HCN1: variants seen among roughly 807,000 people sequenced by gnomAD.
HCN1 encodes the protein potassium/sodium hyperpolarization-activated cyclic nucleotide-gated channel 1.
Under a neutral mutation model 78.9 loss-of-function variants are expected in HCN1, and 13 were observed. The ratio of observed to expected loss-of-function variants is 0.16; its 90% CI spans 0.11 to 0.26. HCN1 has a LOEUF of 0.26. Ranked by LOEUF, HCN1 falls within the 10% of genes least tolerant of loss-of-function variation. HCN1 has a pLI of 1.00. For missense variants in HCN1, 810 were observed against 1,154.3 expected (o/e 0.70, Z 4.32); for synonymous variants, 552 against 455.5 (o/e 1.21, Z -2.70).
In HCN1 at chr5:45,303,805, G is replaced by T; in HGVS notation, c.1412C>A (p.Ala471Asp). The T allele has an allele frequency of 6.2e-7, 1 of 1,613,390 alleles. No individual in the cohort carries two copies. The highest frequency in any genetic ancestry group is 1.1e-5 in the South Asian group (1 of 91,068). ...CGCATTAGCAAATAAAGGCATTGTA[G>T]CCACCAGTTTCCGACAGTTGAAGTT... ...IVNFNCRKLVATMPLFANADP... is the reference protein window; with the variant it reads ...IVNFNCRKLVDTMPLFANADP... Residue 471 changes from alanine to aspartate, a missense_variant, in exon 6 of 8, where the codon GCT becomes GAT. Coordinates refer to ENST00000303230, the MANE Select transcript of HCN1 (RefSeq NM_021072.4).
At chr5:45,562,820 T>G (rs1743632694) in intron 2 of HCN1, among the ~76,000 whole-genome samples, 1 of 152,222 alleles carries the variant, frequency 6.6e-6, no homozygotes, top group East Asian at 1.9e-4. Flanking sequence ...TCATGTAAAT[T>G]GAATGGTTTC....
At chr5:45,660,687 A>C (rs1268696188) in intron 1 of HCN1, among the ~76,000 whole-genome samples, 2 of 142,570 alleles carry the variant, frequency 1.4e-5, no homozygotes, top group Non-Finnish European at 3.1e-5. Context: ...TAAACCAACA[A>C]AGATCAAAAG....
chr5:45,305,876 A>G (rs958010292), intron 5 of HCN1, among the ~76,000 whole-genome samples: 1 of 151,220 alleles, frequency 6.6e-6, no homozygotes, highest in Non-Finnish European at 1.5e-5. Context: ...GGAGGGAGGA[A>G]GGAAGGAAGG....
At chr5:45,527,109 C>G (rs1742753027) in intron 2 of HCN1, among the ~76,000 whole-genome samples, 1 of 136,070 alleles carries the variant, frequency 7.3e-6, no homozygotes, top group Non-Finnish European at 1.6e-5. Context: ...CACATCCTTT[C>G]CTACACAGAC....
chr5:45,663,740 A>T (rs1174447859), intron 1 of HCN1, among the ~76,000 whole-genome samples: 2 of 152,058 alleles, frequency 1.3e-5, no homozygotes, highest in Non-Finnish European at 2.9e-5. Context: ...GAGAAATGCA[A>T]ATCAAAACCA....
intron 4 of HCN1, among the ~76,000 whole-genome samples, chr5:45,394,954 C>G (rs568004275): frequency 3.3e-5 from 5 of 152,222 alleles, no homozygotes; most frequent in Non-Finnish European, 7.4e-5. Context: ...TGAATTATTA[C>G]AAAATCATAA....
intron 3 of HCN1, among the ~76,000 whole-genome samples, chr5:45,421,346 G>A (rs1740224531): frequency 6.6e-6 from 1 of 152,168 alleles, no homozygotes; most frequent in Admixed American, 6.5e-5. Context: ...ACAGGCGTGA[G>A]CCACCACGCC....
At chr5:45,469,451 C>A (rs1002476642) in intron 2 of HCN1, among the ~76,000 whole-genome samples, 1 of 151,834 alleles carries the variant, frequency 6.6e-6, no homozygotes, top group Non-Finnish European at 1.5e-5. Flanking sequence ...CAAATGGCTG[C>A]AAATGTAGAC....
At chr5:45,645,973 T>C (rs1006170183) in intron 1 of HCN1, among the ~76,000 whole-genome samples, 1 of 152,066 alleles carries the variant, frequency 6.6e-6, no homozygotes, top group African/African-American at 2.4e-5. Flanking sequence ...TTAGAAGATC[T>C]GTAAGAAAGC....
intron 1 of HCN1, among the ~76,000 whole-genome samples, chr5:45,692,286 A>G (rs1478954516): frequency 6.6e-6 from 1 of 152,222 alleles, no homozygotes; most frequent in Non-Finnish European, 1.5e-5. Flanking sequence ...AAACCTTAGT[A>G]AAATTCTAGC....
intron 2 of HCN1, among the ~76,000 whole-genome samples, chr5:45,541,575 C>T (rs1412734819): frequency 2.6e-5 from 4 of 150,952 alleles, no homozygotes; most frequent in African/African-American, 5.0e-5. Flanking sequence ...GTCTGTCATT[C>T]CCAGTAGGAA....
At position 45,378,746 on chromosome 5, in the gene HCN1, A is replaced by T. The variant is rs534324886; in HGVS notation, c.1230+17746T>A. 3.9e-5 allele frequency among the ~76,000 whole-genome samples: 6 copies of T among 152,166 alleles called. No homozygotes were observed. In the South Asian group the frequency reaches 1.0e-3, roughly 26 times the overall value. On this transcript the variant is annotated intron_variant, in intron 4 of 7. Transcript: ENST00000303230. Reference sequence around the variant, plus strand: ...CATTAACTCGTCATTTACATTAGGTATATCTCCTAATGCTATCCCTCCCCC... The same window carrying T: ...CATTAACTCGTCATTTACATTAGGTTTATCTCCTAATGCTATCCCTCCCCC...
At chr5:45,318,204 G>T (rs1746041207) in intron 5 of HCN1, among the ~76,000 whole-genome samples, 1 of 152,092 alleles carries the variant, frequency 6.6e-6, no homozygotes, top group Non-Finnish European at 1.5e-5. Context: ...AGAAAATGTG[G>T]CACATATACA....
At chr5:45,536,301 C>G (rs1017666111) in intron 2 of HCN1, among the ~76,000 whole-genome samples, 1 of 152,122 alleles carries the variant, frequency 6.6e-6, no homozygotes, top group African/African-American at 2.4e-5. Context: ...CCTCTCTCAT[C>G]TTATTCTAGA....
chr5:45,543,949 G>A (rs1026457412), intron 2 of HCN1, among the ~76,000 whole-genome samples: 1 of 152,086 alleles, frequency 6.6e-6, no homozygotes, highest in Non-Finnish European at 1.5e-5. Flanking sequence ...TGGTGGGAAG[G>A]TGAGTTGTAA....
intron 3 of HCN1, among the ~76,000 whole-genome samples, chr5:45,433,395 G>A (rs1382237094): frequency 6.6e-6 from 1 of 151,770 alleles, no homozygotes; most frequent in Non-Finnish European, 1.5e-5. Context: ...TAATAGCAAT[G>A]TCTGCTTTTT....
chr5:45,445,703 G>T (rs1444403198), intron 3 of HCN1, among the ~76,000 whole-genome samples: 2 of 152,086 alleles, frequency 1.3e-5, no homozygotes, highest in Non-Finnish European at 2.9e-5. Flanking sequence ...CCAGAGGAAG[G>T]ATCAGACAGC....
At chr5:45,335,606 C>A (rs1280345858) in intron 5 of HCN1, among the ~76,000 whole-genome samples, 1 of 152,068 alleles carries the variant, frequency 6.6e-6, no homozygotes, top group Non-Finnish European at 1.5e-5. Flanking sequence ...TTGCAAATAA[C>A]TACATACAAT....
chr5:45,520,430 T>C (rs1401349809), intron 2 of HCN1, among the ~76,000 whole-genome samples: 1 of 152,066 alleles, frequency 6.6e-6, no homozygotes, highest in Admixed American at 6.6e-5. Flanking sequence ...TGGACACTGA[T>C]TTATGCAACT....
Sources: gnomAD v4.1 joint callset for allele counts (sites outside exome capture counted in the v4.1 genomes callset) on GRCh38, gnomAD v4.1.1 for gene constraint, MANE v1.5 for transcripts, NCBI Gene and HGNC (gene_info 2026-07-23, HGNC 2026-07-21) for gene names.